The following DPF3 variants were observed in gnomAD, a reference collection of about 807,000 sequenced individuals.
DPF3 encodes the protein double PHD fingers 3, also known as zinc finger protein DPF3.
DPF3 carries 18 observed loss-of-function variants against 56.8 expected under a neutral mutation model. That is an observed-to-expected ratio of 0.32 (90% confidence interval 0.22 to 0.47). The LOEUF (loss-of-function observed/expected upper bound fraction) is 0.47, where lower values mean the gene tolerates loss of function less well. Ranked by LOEUF, DPF3 falls within the 20% of genes least tolerant of loss-of-function variation. DPF3 has a pLI of 1.00. For synonymous variants in DPF3, 188 were observed against 180.2 expected (o/e 1.04, Z -0.35); for missense variants, 403 against 488.8 (o/e 0.82, Z 1.65).
At chr14:72,673,694 G>T (rs1041501839) in intron 8 of DPF3, among the ~76,000 whole-genome samples, 1 of 152,160 alleles carries the variant, frequency 6.6e-6, no homozygotes, top group Non-Finnish European at 1.5e-5. Context: ...ATCTATCGGG[G>T]TCTCTTCTGT....
intron 1 of DPF3, among the ~76,000 whole-genome samples, chr14:72,785,059 G>A (rs1307235416): frequency 1.3e-5 from 2 of 152,160 alleles, no homozygotes; most frequent in Admixed American, 6.5e-5. Context: ...GCCAAGGCAG[G>A]AGAATCACTT....
chr14:72,702,533 C>T (rs1888215055), intron 6 of DPF3, among the ~76,000 whole-genome samples: 1 of 152,188 alleles, frequency 6.6e-6, no homozygotes, highest in Non-Finnish European at 1.5e-5. Flanking sequence ...CCACATCCTG[C>T]CGGATACCAT....
intron 1 of DPF3, among the ~76,000 whole-genome samples, chr14:72,876,531 G>A (rs8010875): frequency 0.072 from 10,902 of 152,022 alleles, 490 homozygotes; most frequent in East Asian, 0.14. Flanking sequence ...TTCTGTTCAC[G>A]GACACCCCCC....
At chr14:72,840,219 C>T (rs1341143693) in intron 1 of DPF3, among the ~76,000 whole-genome samples, 1 of 152,184 alleles carries the variant, frequency 6.6e-6, no homozygotes, top group African/African-American at 2.4e-5. Context: ...GTAAAGCCTG[C>T]AGCCGTGGAA....
intron 1 of DPF3, among the ~76,000 whole-genome samples, chr14:72,865,815 G>A (rs1445391352): frequency 6.6e-6 from 1 of 152,230 alleles, no homozygotes; most frequent in African/African-American, 2.4e-5. Flanking sequence ...GGGAGGCAGA[G>A]GCAGGCAGAT....
At chr14:72,808,685 G>A (rs1278239249) in intron 1 of DPF3, among the ~76,000 whole-genome samples, 2 of 152,218 alleles carry the variant, frequency 1.3e-5, no homozygotes, top group Admixed American at 6.5e-5. Flanking sequence ...TATTCTGGGA[G>A]GAGAAAAACC....
intron 1 of DPF3, among the ~76,000 whole-genome samples, chr14:72,817,688 C>CCA (rs1206346882): frequency 2.0e-5 from 3 of 151,278 alleles, no homozygotes; most frequent in South Asian, 2.1e-4. Flanking sequence ...ACAACAAAAA[C>CCA]CACACACACA....
At position 72,619,982 on chromosome 14, in the gene DPF3, G is replaced by T. The variant is rs1393393644; in HGVS notation, c.987C>A (p.Asp329Glu). 1.2e-5 allele frequency: 19 copies of T among 1,533,586 alleles called. No homozygotes were observed. The highest frequency in any genetic ancestry group is 1.7e-5 in the Non-Finnish European group (19 of 1,145,462). 95.0% of individuals were successfully genotyped at this position (1,533,586 alleles called of 1,614,324 possible). Residue 329 changes from aspartate to glutamate, a missense_variant and splice_region_variant, in exon 10 of 11, where the codon GAC (aspartate) becomes GAA (glutamate). Asp to Glu is a conservative substitution (Grantham distance 45, BLOSUM62 2). Coordinates refer to ENST00000556509, the MANE Select transcript of DPF3 (RefSeq NM_001280542.3). The stretch of plus-strand genomic sequence containing the variant: ...CACAGTCATCGCAGAAGAGTAGCTG[G>T]TCCTGGTGGAACACAGAGTAAGCAC... The part of the protein sequence containing the change: ...CILCGTSEND[D>E]QLLFCDDCDR...
At chr14:72,632,467 T>C (rs1885222242) in intron 8 of DPF3, among the ~76,000 whole-genome samples, 1 of 152,008 alleles carries the variant, frequency 6.6e-6, no homozygotes, top group Non-Finnish European at 1.5e-5. Context: ...TAACTTCCTA[T>C]GAAGCTATAA....
intron 5 of DPF3, among the ~76,000 whole-genome samples, chr14:72,718,265 A>G (rs1373244278): frequency 6.6e-6 from 1 of 152,094 alleles, no homozygotes; most frequent in Non-Finnish European, 1.5e-5. Flanking sequence ...AGCTTTTCAA[A>G]TCCTTCCCAT....
intron 8 of DPF3, among the ~76,000 whole-genome samples, chr14:72,673,852 G>A (rs980868956): frequency 1.5e-4 from 23 of 152,170 alleles, no homozygotes; most frequent in African/African-American, 5.6e-4. Flanking sequence ...CTTCGGGTTT[G>A]CCCTAGGCAC....
chr14:72,731,987 G>A (rs1889675392), intron 3 of DPF3, 53 bp from the exon 4 acceptor site: 15 of 1,550,192 alleles, frequency 9.7e-6, no homozygotes, highest in Non-Finnish European at 1.3e-5. Flanking sequence ...AGGCAGGGCA[G>A]GAGGGACAGT....
Position 72,893,333 on chromosome 14 carries a change from C to T in DPF3, c.32+724G>A, listed in dbSNP as rs556363548. Among the ~76,000 whole-genome samples, 68 of 152,314 alleles carry T rather than the reference C, an allele frequency of 4.5e-4. 1 individual carries two copies. In the South Asian group the frequency reaches 0.014, roughly 32 times the overall value. Reference sequence around the variant, plus strand: ...CCCCAAGTTAACCCGAGTCGTTAATCCACTAAAGCCAGCTCGCTCGCAAAT... The same window carrying T: ...CCCCAAGTTAACCCGAGTCGTTAATTCACTAAAGCCAGCTCGCTCGCAAAT... On this transcript the variant is annotated intron_variant, in intron 1 of 10. Transcript: ENST00000556509.
chr14:72,875,512 C>T (rs1426207519), intron 1 of DPF3, among the ~76,000 whole-genome samples: 2 of 152,168 alleles, frequency 1.3e-5, no homozygotes, highest in Admixed American at 6.5e-5. Context: ...TCCTACTTTA[C>T]ATATGAGGAA....
intron 1 of DPF3, among the ~76,000 whole-genome samples, chr14:72,844,394 G>A (rs1884668276): frequency 1.3e-5 from 2 of 152,078 alleles, no homozygotes; most frequent in South Asian, 2.1e-4. Context: ...TGATTGGAGG[G>A]GGGAAAATTC....
At chr14:72,748,162 C>T (rs1282915256) in intron 3 of DPF3, among the ~76,000 whole-genome samples, 1 of 152,144 alleles carries the variant, frequency 6.6e-6, no homozygotes, top group Non-Finnish European at 1.5e-5. Flanking sequence ...TGACTTTGCC[C>T]CAAATGCTGA....
chr14:72,651,298 A>G (rs562419348), intron 8 of DPF3, among the ~76,000 whole-genome samples: 8 of 152,346 alleles, frequency 5.3e-5, no homozygotes, highest in African/African-American at 1.9e-4. Context: ...CTGGGGCCTC[A>G]GCCAGCGACT....
intron 8 of DPF3, among the ~76,000 whole-genome samples, chr14:72,650,629 C>T (rs567685065): frequency 7.2e-5 from 11 of 152,344 alleles, no homozygotes; most frequent in Admixed American, 5.9e-4. Flanking sequence ...TGACCAGCGG[C>T]TCTCTGTAGG....
At position 72,866,969 on chromosome 14, in the gene DPF3, C is replaced by T. The variant is rs540398692; in HGVS notation, c.32+27088G>A. ...AGGGTATTCTTTTCTAACCAGACCA[C>T]GAAATCTCCAGGCTACCTCAAGGGT... On this transcript the variant is annotated intron_variant, in intron 1 of 10. Coordinates refer to ENST00000556509, the MANE Select transcript of DPF3 (RefSeq NM_001280542.3). Among the ~76,000 whole-genome samples the T allele has an allele frequency of 7.8e-4, 117 of 150,276 alleles. 2 individuals are homozygous for T. The highest frequency in any genetic ancestry group is 2.7e-3 in the African/African-American group (111 of 41,068).
Sources: allele counts gnomAD v4.1 joint callset (sites outside exome capture counted in the v4.1 genomes callset), GRCh38; gene constraint gnomAD v4.1.1; transcripts MANE v1.5; gene names NCBI Gene and HGNC (gene_info 2026-07-23, HGNC 2026-07-21).